The following KLHL5 variants were observed in gnomAD, a reference collection of about 807,000 sequenced individuals.
KLHL5 encodes kelch like family member 5.
KLHL5 carries 48 observed loss-of-function variants against 77.7 expected under a neutral mutation model. The observed-to-expected ratio is 0.62, with a 90% CI of 0.49 to 0.79. KLHL5 has a LOEUF of 0.79. KLHL5 is among the 30% of genes least tolerant of loss of function. KLHL5 has a pLI of 0.00. For synonymous variants in KLHL5, 260 were observed against 297.0 expected (o/e 0.88, Z 1.28); for missense variants, 723 against 859.7 (o/e 0.84, Z 1.99).
chr4:39,082,952 A>C (rs1192803351), intron 4 of KLHL5, among the ~76,000 whole-genome samples: 1 of 152,152 alleles, frequency 6.6e-6, no homozygotes, highest in Non-Finnish European at 1.5e-5. Flanking sequence ...ACACCTGGGC[A>C]ATGACTGAAG....
At chr4:39,067,971 C>T (rs1718056154) in intron 1 of KLHL5, among the ~76,000 whole-genome samples, 2 of 152,128 alleles carry the variant, frequency 1.3e-5, no homozygotes, top group African/African-American at 4.8e-5. Context: ...GCATGAGCCA[C>T]CACACCTGGC....
At chr4:39,070,870 A>G (rs887774290) in intron 1 of KLHL5, among the ~76,000 whole-genome samples, 3 of 75,792 alleles carry the variant, frequency 4.0e-5, no homozygotes, top group Non-Finnish European at 5.5e-5. Flanking sequence ...CCTCACCCAT[A>G]TAAATGTCAA....
the KLHL5 span, among the ~76,000 whole-genome samples, chr4:39,141,067 G>T: frequency 6.6e-6 from 1 of 152,180 alleles, no homozygotes; most frequent in Non-Finnish European, 1.5e-5. Flanking sequence ...AGTTAGTTAT[G>T]ATTTCCAGGG....
At chr4:39,046,168 TGGGCA>T (rs1716173651) in intron 1 of KLHL5, among the ~76,000 whole-genome samples, 1 of 151,996 alleles carries the variant, frequency 6.6e-6, no homozygotes, top group Non-Finnish European at 1.5e-5. Context: ...GTTGGGTAAT[TGGGCA>T]GGGAGGGCAG....
chr4:39,106,334 GT>G (rs1419225391), intron 7 of KLHL5, among the ~76,000 whole-genome samples: 1 of 152,060 alleles, frequency 6.6e-6, no homozygotes, highest in Non-Finnish European at 1.5e-5. Flanking sequence ...TATCAGAAAG[GT>G]CTCCCCTGAC....
chr4:39,074,436 A>G (rs1031789574), intron 1 of KLHL5, among the ~76,000 whole-genome samples: 1 of 152,176 alleles, frequency 6.6e-6, no homozygotes, highest in Non-Finnish European at 1.5e-5. Context: ...CTCTCCCTTC[A>G]ACCCGTGTAT....
chr4:39,064,921 AAAGT>A (rs147808322), intron 1 of KLHL5, among the ~76,000 whole-genome samples: 4,284 of 152,314 alleles, frequency 0.028, 83 homozygotes, highest in Non-Finnish European at 0.04. Flanking sequence ...AAGACTCATC[AAAGT>A]AAGACGGGTG....
chr4:39,053,522 C>T (rs1716804585), intron 1 of KLHL5, among the ~76,000 whole-genome samples: 1 of 152,130 alleles, frequency 6.6e-6, no homozygotes, highest in Admixed American at 6.6e-5. Flanking sequence ...CACATGCCAA[C>T]TGTAATGGAT....
the KLHL5 span, among the ~76,000 whole-genome samples, chr4:39,137,350 C>CA: frequency 0.028 from 4,177 of 147,098 alleles, 169 homozygotes; most frequent in African/African-American, 0.096. Context: ...CCAATTTTTA[C>CA]AAAAAAAAAA....
intron 2 of KLHL5, among the ~76,000 whole-genome samples, 170 bp downstream of exon 2, chr4:39,076,317 C>T (rs1206802673): frequency 6.6e-6 from 1 of 152,056 alleles, no homozygotes; most frequent in African/African-American, 2.4e-5. Flanking sequence ...TTTGGTGATC[C>T]TAAAAGGGTC....
In KLHL5 at chr4:39,113,135, G is replaced by A. The variant is rs1386693190; in HGVS notation, c.1804G>A (p.Val602Ile). 29 of 1,613,998 alleles carry A rather than the reference G, an allele frequency of 1.8e-5. No homozygotes were observed. Among genetic ancestry groups the A allele is most frequent in the East Asian group, 8.9e-5 (4 of 44,896 alleles). Residue 602 changes from valine to isoleucine, a missense_variant, in exon 9 of 11, where the codon GTA (valine) becomes ATA (isoleucine). Coordinates refer to ENST00000504108, the MANE Select transcript of KLHL5 (RefSeq NM_015990.5). ...ACAGATGTCAAAAAGGAGAGGTGGC[G>A]TAGGAGTGACGACCTGGAATGGACT... ...CAQMSKRRGG[V>I]GVTTWNGLLY...
At chr4:39,063,931 T>C (rs944149351) in intron 1 of KLHL5, 2 of 152,408 alleles carry the variant, frequency 1.3e-5, no homozygotes, top group African/African-American at 4.8e-5. Flanking sequence ...TCTTTCTGAT[T>C]AATCTTCATT....
the KLHL5 span, among the ~76,000 whole-genome samples, chr4:39,137,885 T>A: frequency 6.6e-6 from 1 of 151,470 alleles, no homozygotes; most frequent in Non-Finnish European, 1.5e-5. Context: ...AAAAAACAAC[T>A]CCATTAAAAA....
At chr4:39,090,449 GTTT>G (rs746309553) in intron 5 of KLHL5, among the ~76,000 whole-genome samples, 2 of 134,998 alleles carry the variant, frequency 1.5e-5, no homozygotes, top group African/African-American at 2.7e-5. Flanking sequence ...TTTTTGTATG[GTTT>G]TTTTTTTTTT....
chr4:39,117,321 G>T (rs1722912232), intron 10 of KLHL5, among the ~76,000 whole-genome samples: 1 of 152,064 alleles, frequency 6.6e-6, no homozygotes, highest in Non-Finnish European at 1.5e-5. Context: ...ATATAATAAT[G>T]ATTTTTTAAA....
Position 39,086,746 on chromosome 4 carries a change from T to C in KLHL5, c.1113+19T>C, listed in dbSNP as rs2109407207. ...ACCACAGGTAATTAATAGGCACTTG[T>C]TTATAGGAATTTTTCTTTGCCTATT... On this transcript the variant is annotated intron_variant, in intron 5 of 10. Coordinates refer to ENST00000504108, the MANE Select transcript of KLHL5 (RefSeq NM_015990.5). The C allele has an allele frequency of 6.4e-7, 1 of 1,559,628 alleles. No homozygotes were observed. Among genetic ancestry groups the C allele is most frequent in the East Asian group, 2.2e-5 (1 of 44,534 alleles).
intron 1 of KLHL5, among the ~76,000 whole-genome samples, chr4:39,047,897 A>T (rs147957712): frequency 1.3e-5 from 2 of 152,328 alleles, no homozygotes; most frequent in African/African-American, 4.8e-5. Context: ...GAAGCCAGAA[A>T]GTCTGGGATT....
rs1270280902 is a variant in KLHL5 at position 39,125,160 on chromosome 4, A to G, written c.*4094A>G. Among the ~76,000 whole-genome samples the G allele has an allele frequency of 9.3e-6, 1 of 107,946 alleles. No homozygotes were observed. Among genetic ancestry groups the G allele is most frequent in the Non-Finnish European group, 2.3e-5 (1 of 43,944 alleles). 70.8% of individuals were successfully genotyped at this position (107,946 alleles called of 152,430 possible). A position where few individuals can be genotyped will look rare whatever the true frequency, so the allele number is the denominator to read the frequency against. On this transcript the variant is annotated 3_prime_UTR_variant, in exon 11 of 11. Transcript: ENST00000504108. ...CGAAATAGACCTAGGATCTAAACCT[A>G]CAGGAAAAAAAATGAATAATAGAGA...
chr4:39,062,302 T>A lies in KLHL5; in HGVS notation c.-351T>A, dbSNP rs1717488073. 7.3e-7 allele frequency: 1 copy of A among 1,369,992 alleles called. No homozygotes were observed. The highest frequency in any genetic ancestry group is 9.4e-7 in the Non-Finnish European group (1 of 1,065,164). 84.9% of individuals were successfully genotyped at this position (1,369,992 alleles called of 1,614,324 possible). A position where few individuals can be genotyped will look rare whatever the true frequency, so the allele number is the denominator to read the frequency against. On this transcript the variant is annotated 5_prime_UTR_variant, in exon 1 of 11. The change creates a new upstream start codon in the 5' untranslated region. Transcript: ENST00000504108. ...AGAAAAAGGGGGTGGTGTTCTGCAT[T>A]TGAAAGGACTTTAATGAATGCTGTC...
Sources: allele counts gnomAD v4.1 joint callset (sites outside exome capture counted in the v4.1 genomes callset), GRCh38; gene constraint gnomAD v4.1.1; transcripts MANE v1.5; gene names NCBI Gene and HGNC (gene_info 2026-07-23, HGNC 2026-07-21).